ARHGEF4: variants seen among roughly 807,000 people sequenced by gnomAD.
ARHGEF4 encodes APC-stimulated guanine nucleotide exchange factor 1.
A neutral mutation model predicts 162.0 loss-of-function variants in ARHGEF4; 119 were observed. That is an observed-to-expected ratio of 0.73 (90% confidence interval 0.63 to 0.86). The LOEUF (loss-of-function observed/expected upper bound fraction) is 0.86. Among genes scored for constraint, ARHGEF4 ranks in the 40% least tolerant of loss-of-function variants. The pLI is 0.00. For missense variants in ARHGEF4, 2,488 were observed against 2,456.0 expected, an observed-to-expected ratio of 1.01 and a Z score of -0.28; for synonymous variants, 1,014 against 979.9, an observed-to-expected ratio of 1.03 and a Z score of -0.65.
In ARHGEF4 at chr2:130,915,676, A is replaced by C. The variant is rs35337771; in HGVS notation, c.1730A>C (p.Asn577Thr). 4.5e-6 allele frequency: 7 copies of C among 1,550,334 alleles called. No homozygotes were observed. The African/African-American group carries it at 9.6e-5, about 21-fold the overall frequency. Residue 577 changes from asparagine to threonine, a missense_variant, in exon 2 of 14, where the codon AAC (asparagine) becomes ACC (threonine). Coordinates refer to ENST00000409359, the MANE Select transcript of ARHGEF4 (RefSeq NM_001367493.1). ...AAEEAMVLDP[N>T]YREQALQGLS... is the part of the protein sequence containing the mutation. ...GAAGAAGCCATGGTTCTAGACCCCAACTACAGGGAACAGGCTTTGCAAGGT... is the reference window on the plus strand; with the variant it reads ...GAAGAAGCCATGGTTCTAGACCCCACCTACAGGGAACAGGCTTTGCAAGGT...
At chr2:130,837,757 C>T in intron 1 of ARHGEF4, 1 of 325,248 alleles carries the variant, frequency 3.1e-6, no homozygotes, top group South Asian at 2.2e-5. Context: ...CCGATGGGCT[C>T]CTACTCCGGG....
chr2:131,013,790 G>A (rs962993926), intron 4 of ARHGEF4, among the ~76,000 whole-genome samples: 4 of 151,924 alleles, frequency 2.6e-5, no homozygotes, highest in Non-Finnish European at 4.4e-5. Flanking sequence ...TAGTAGATAC[G>A]GGATTTCACC....
In ARHGEF4 at chr2:130,917,070, C is replaced by G; in HGVS notation, c.3124C>G (p.Leu1042Val). 1 of 1,550,748 alleles carries G rather than the reference C, an allele frequency of 6.4e-7. No homozygotes were observed. The highest frequency in any genetic ancestry group is 8.7e-7 in the Non-Finnish European group (1 of 1,147,016). ...AGCCACCCAGGAAGGCGGTAGGTACCTACCTTCAGGTATCTTTCCGGAAAA... is the reference window on the plus strand; with the variant it reads ...AGCCACCCAGGAAGGCGGTAGGTACGTACCTTCAGGTATCTTTCCGGAAAA... ...CTATQEGGRY[L>V]PSGIFPEKSW... The change falls in exon 2 of 14, where the codon CTA becomes GTA. Residue 1042 changes from leucine to valine, a missense_variant. Coordinates refer to ENST00000409359, the MANE Select transcript of ARHGEF4 (RefSeq NM_001367493.1).
intron 1 of ARHGEF4, among the ~76,000 whole-genome samples, chr2:130,895,961 G>C (rs983734692): frequency 6.6e-6 from 1 of 152,062 alleles, no homozygotes; most frequent in Non-Finnish European, 1.5e-5. Context: ...TTTAGTCCTA[G>C]CACTTAGCTA....
At chr2:130,975,001 T>TA (rs965406128) in intron 4 of ARHGEF4, among the ~76,000 whole-genome samples, 17 of 151,530 alleles carry the variant, frequency 1.1e-4, no homozygotes, top group Non-Finnish European at 1.8e-4. Flanking sequence ...CCTTTTCCTT[T>TA]AAAAAAAAAT....
intron 4 of ARHGEF4, among the ~76,000 whole-genome samples, chr2:131,019,734 T>C (rs1022921574): frequency 1.1e-4 from 17 of 152,038 alleles, no homozygotes; most frequent in East Asian, 9.7e-4. Context: ...CCCGGGTTCA[T>C]GCCATTCTCC....
At chr2:131,037,699 G>A (rs1450313821) in intron 5 of ARHGEF4, among the ~76,000 whole-genome samples, 1 of 152,256 alleles carries the variant, frequency 6.6e-6, no homozygotes, top group Non-Finnish European at 1.5e-5. Flanking sequence ...GAAAGCAGGG[G>A]TCAGCCCCAT....
intron 1 of ARHGEF4, among the ~76,000 whole-genome samples, chr2:130,864,100 G>T (rs1040226493): frequency 4.6e-5 from 7 of 151,662 alleles, no homozygotes; most frequent in African/African-American, 1.5e-4. Context: ...GCAGAAGAAT[G>T]GTGTGAACCC....
chr2:130,883,368 C>T (rs1272357845), intron 1 of ARHGEF4, among the ~76,000 whole-genome samples: 1 of 152,018 alleles, frequency 6.6e-6, no homozygotes, highest in African/African-American at 2.4e-5. Context: ...TGCCAGAGCT[C>T]CCTCTTCTGT....
chr2:130,960,617 T>C (rs143311269), intron 4 of ARHGEF4, among the ~76,000 whole-genome samples: 3 of 152,352 alleles, frequency 2.0e-5, no homozygotes, highest in Non-Finnish European at 2.9e-5. Context: ...TAAATGATTA[T>C]TTATGATTAT....
intron 4 of ARHGEF4, among the ~76,000 whole-genome samples, chr2:131,012,345 T>C (rs1361872889): frequency 2.0e-5 from 3 of 152,128 alleles, no homozygotes; most frequent in African/African-American, 7.2e-5. Context: ...GGGGCAGGTG[T>C]CACTTCTTTG....
chr2:130,963,094 T>G, intron 4 of ARHGEF4, among the ~76,000 whole-genome samples: 1 of 152,300 alleles, frequency 6.6e-6, no homozygotes, highest in South Asian at 2.1e-4. Flanking sequence ...AAAATAAAAC[T>G]CCTGGCTCCT....
intron 1 of ARHGEF4, among the ~76,000 whole-genome samples, chr2:130,883,266 G>C (rs68133530): frequency 0.017 from 2,551 of 152,114 alleles, 108 homozygotes; most frequent in African/African-American, 0.059. Context: ...GGGCCTCTCT[G>C]CCAGGCCGTT....
intron 5 of ARHGEF4, among the ~76,000 whole-genome samples, chr2:131,033,263 GC>G (rs1238677920): frequency 6.6e-6 from 1 of 152,228 alleles, no homozygotes; most frequent in Non-Finnish European, 1.5e-5. Flanking sequence ...GAGGCTGGGG[GC>G]CCCTAGGCAG....
chr2:130,993,314 T>C (rs1301634834), intron 4 of ARHGEF4, among the ~76,000 whole-genome samples: 1 of 152,236 alleles, frequency 6.6e-6, no homozygotes, highest in Non-Finnish European at 1.5e-5. Context: ...ATCAACTTTT[T>C]AAAAAATTTC....
chr2:130,916,591 A>C lies in ARHGEF4; in HGVS notation c.2645A>C (p.Asp882Ala), dbSNP rs1215500599. Residue 882 changes from aspartate to alanine, a missense_variant, in exon 2 of 14, where the codon GAT becomes GCT. Asp to Ala is a moderately radical substitution (Grantham distance 126, BLOSUM62 -2). Coordinates refer to ENST00000409359, the MANE Select transcript of ARHGEF4 (RefSeq NM_001367493.1). ...GCGGGGCACACGGGGACCTCAGGGG[A>C]TCTTGGTAGCCGAGGGCCTTCCTCT... is the stretch of plus-strand genomic sequence containing the variant. ...AGAGHTGTSGDLGSRGPSSES... is the reference protein window; with the variant it reads ...AGAGHTGTSGALGSRGPSSES... The C allele has an allele frequency of 1.3e-5, 20 of 1,550,464 alleles. No individual in the cohort carries two copies. The highest frequency in any genetic ancestry group is 1.7e-5 in the Non-Finnish European group (20 of 1,146,946).
chr2:130,913,066 G>A (rs891711223), intron 1 of ARHGEF4, among the ~76,000 whole-genome samples: 1 of 152,144 alleles, frequency 6.6e-6, no homozygotes, highest in Non-Finnish European at 1.5e-5. Flanking sequence ...TCGGTACTGG[G>A]GGGGAGTGGT....
intron 4 of ARHGEF4, among the ~76,000 whole-genome samples, chr2:130,980,923 C>G (rs1361097788): frequency 6.6e-6 from 1 of 152,150 alleles, no homozygotes; most frequent in Non-Finnish European, 1.5e-5. Flanking sequence ...TTTTCTTCAC[C>G]ACCTAAAGGA....
intron 1 of ARHGEF4, among the ~76,000 whole-genome samples, chr2:130,909,768 C>T (rs1458127524): frequency 6.6e-6 from 1 of 152,120 alleles, no homozygotes; most frequent in Non-Finnish European, 1.5e-5. Flanking sequence ...GGGGTGGCAG[C>T]CAGACCCTGG....
Sources: allele counts gnomAD v4.1 joint callset (sites outside exome capture counted in the v4.1 genomes callset), GRCh38; gene constraint gnomAD v4.1.1; transcripts MANE v1.5; gene names NCBI Gene and HGNC (gene_info 2026-07-23, HGNC 2026-07-21).